EPHA4: variants seen among roughly 807,000 people sequenced by gnomAD.
EPHA4 encodes ephrin type-A receptor 4.
In EPHA4, 19 loss-of-function variants were observed where a neutral mutation model predicts 108.3. That is an observed-to-expected ratio of 0.18 (90% CI 0.12 to 0.26). The LOEUF (loss-of-function observed/expected upper bound fraction) is 0.26. EPHA4 is among the 10% of genes least tolerant of loss of function. EPHA4 has a pLI of 1.00. For synonymous variants in EPHA4, 449 were observed against 455.5 expected, an observed-to-expected ratio of 0.99 and a Z score of 0.18; for missense variants, 917 against 1,254.0, an observed-to-expected ratio of 0.73 and a Z score of 4.06.
At chr2:221,454,346 G>A (rs992618779) in intron 8 of EPHA4, among the ~76,000 whole-genome samples, 1 of 152,118 alleles carries the variant, frequency 6.6e-6, no homozygotes. Context: ...TATGACATTG[G>A]TGAGATCATC....
Position 221,571,749 on chromosome 2 carries a change from A to G in EPHA4, c.91+409T>C, listed in dbSNP as rs942596427. Among the ~76,000 whole-genome samples the G allele has an allele frequency of 6.6e-6, 1 of 152,038 alleles. No individual in the cohort carries two copies. The highest frequency in any genetic ancestry group is 1.5e-5 in the Non-Finnish European group (1 of 68,004). Reference sequence around the variant, plus strand: ...CGAAAGGCTTTCGCTAGAATCCGGGAGCACCAAGCCTTCACTGTGCTCCAG... The same window carrying G: ...CGAAAGGCTTTCGCTAGAATCCGGGGGCACCAAGCCTTCACTGTGCTCCAG... On this transcript the variant is annotated intron_variant, in intron 1 of 17. Transcript: ENST00000281821. The surrounding 1 kb of genome is among the most constrained non-coding windows in gnomAD (Gnocchi z 6.3).
At chr2:221,467,767 T>C (rs2106127015) in intron 5 of EPHA4, among the ~76,000 whole-genome samples, 1 of 152,308 alleles carries the variant, frequency 6.6e-6, no homozygotes, top group South Asian at 2.1e-4. Context: ...CTGTGTTTCG[T>C]CTGGGAGCTG....
upstream of EPHA4, chr2:221,573,739 G>T (rs979272599): frequency 1.3e-5 from 2 of 152,216 alleles, no homozygotes; most frequent in African/African-American, 2.4e-5. This position sits in a 1 kb window ranked among gnomAD's most constrained non-coding sequence, Gnocchi z 4.5. Context: ...GAGGAAGGGC[G>T]AGCGGACAAA....
At chr2:221,512,191 A>C (rs2106166393) in intron 3 of EPHA4, among the ~76,000 whole-genome samples, 1 of 152,352 alleles carries the variant, frequency 6.6e-6, no homozygotes, top group South Asian at 2.1e-4. Flanking sequence ...AATATGCTGA[A>C]GTTTATATTA....
chr2:221,540,802 G>A (rs568463410), intron 3 of EPHA4, among the ~76,000 whole-genome samples: 61 of 152,256 alleles, frequency 4.0e-4, no homozygotes, highest in African/African-American at 1.1e-3. Flanking sequence ...CGGGAGAGCT[G>A]TACAGGCTTG....
intron 5 of EPHA4, among the ~76,000 whole-genome samples, chr2:221,459,857 A>G (rs1691085562): frequency 6.6e-6 from 1 of 152,200 alleles, no homozygotes; most frequent in Non-Finnish European, 1.5e-5. Flanking sequence ...GAAAAATCAT[A>G]AAATTATAAA....
Position 221,439,238 on chromosome 2 carries a change from G to T in EPHA4, c.2075-2116C>A, listed in dbSNP as rs571905182. Reference sequence around the variant, plus strand: ...TAAGTCTTTTCTCTACGCTGGCAGGGGTGTGTCTGCACATTCTCTATCAAT... The same window carrying T: ...TAAGTCTTTTCTCTACGCTGGCAGGTGTGTGTCTGCACATTCTCTATCAAT... On this transcript the variant is annotated intron_variant, in intron 11 of 17. Coordinates refer to ENST00000281821, the MANE Select transcript of EPHA4 (RefSeq NM_004438.5). 2.0e-5 allele frequency among the ~76,000 whole-genome samples: 3 copies of T among 151,882 alleles called. No homozygotes were observed. The East Asian group carries it at 5.8e-4, about 30-fold the overall frequency.
chr2:221,442,689 T>C lies in EPHA4; in HGVS notation c.2074+140A>G. On this transcript the variant is annotated intron_variant, in intron 11 of 17. Transcript: ENST00000281821. ...GACCCATTTAGAGCTGACTACAAGA[T>C]TAATGACTTGTCCTGCACTGATTTC... is the stretch of plus-strand genomic sequence containing the variant. The C allele has an allele frequency of 9.8e-6, 8 of 819,158 alleles. No homozygotes were observed. The South Asian group carries it at 1.1e-4, about 11-fold the overall frequency. 50.7% of individuals were successfully genotyped at this position (819,158 alleles called of 1,614,324 possible). A position where few individuals can be genotyped will look rare whatever the true frequency, so the allele number is the denominator to read the frequency against.
intron 15 of EPHA4, 69 bp downstream of exon 15, chr2:221,429,889 T>G: frequency 5.5e-5 from 85 of 1,549,994 alleles, no homozygotes; most frequent in Non-Finnish European, 6.9e-5. Flanking sequence ...GGAATTTAAG[T>G]GAGTCACCAC....
At chr2:221,458,607 T>C (rs1395805398) in intron 5 of EPHA4, among the ~76,000 whole-genome samples, 2 of 152,174 alleles carry the variant, frequency 1.3e-5, no homozygotes, top group African/African-American at 4.8e-5. Context: ...ATGCGTGGCA[T>C]TTTGCAGCTA....
At chr2:221,565,546 T>C (rs542588037) in intron 2 of EPHA4, among the ~76,000 whole-genome samples, 1 of 152,330 alleles carries the variant, frequency 6.6e-6, no homozygotes, top group East Asian at 1.9e-4. Context: ...TAAAGCTCCA[T>C]GCAGTCCAGT....
At chr2:221,557,513 A>G (rs1694340299) in intron 3 of EPHA4, among the ~76,000 whole-genome samples, 2 of 152,206 alleles carry the variant, frequency 1.3e-5, no homozygotes, top group Admixed American at 1.3e-4. Flanking sequence ...ATTGCCACCA[A>G]TTTGCAAACG....
intron 3 of EPHA4, among the ~76,000 whole-genome samples, chr2:221,542,942 A>G (rs1317746641): frequency 6.6e-6 from 1 of 152,218 alleles, no homozygotes; most frequent in Non-Finnish European, 1.5e-5. Flanking sequence ...GCTAATGAGT[A>G]AAACTACCTC....
At chr2:221,469,714 A>G (rs949096206) in intron 5 of EPHA4, among the ~76,000 whole-genome samples, 1 of 152,168 alleles carries the variant, frequency 6.6e-6, no homozygotes, top group Non-Finnish European at 1.5e-5. Flanking sequence ...GACTGAGACC[A>G]ATTCCATTAA....
intron 8 of EPHA4, among the ~76,000 whole-genome samples, chr2:221,447,200 C>T (rs1215222177): frequency 2.0e-4 from 31 of 152,122 alleles, no homozygotes; most frequent in Admixed American, 2.0e-3. Context: ...AAAATGTATA[C>T]ATTTATGTTT....
intron 5 of EPHA4, among the ~76,000 whole-genome samples, chr2:221,475,878 AC>A (rs1691640229): frequency 6.6e-6 from 1 of 152,148 alleles, no homozygotes; most frequent in Admixed American, 6.5e-5. Context: ...TAGCTTGCTG[AC>A]CCCTGCTTTA....
At chr2:221,500,012 C>G (rs1692443165) in intron 4 of EPHA4, among the ~76,000 whole-genome samples, 1 of 151,970 alleles carries the variant, frequency 6.6e-6, no homozygotes, top group East Asian at 1.9e-4. Flanking sequence ...CCACCTCAGC[C>G]TCCCAAAGTG....
At chr2:221,499,715 A>AATATATATATATAT (rs369326575) in intron 4 of EPHA4, among the ~76,000 whole-genome samples, 1 of 48,452 alleles carries the variant, frequency 2.1e-5, no homozygotes, top group Non-Finnish European at 3.4e-5. Context: ...AACTAAAACT[A>AATATATATATATAT]ATATATATAT....
chr2:221,553,883 C>A (rs556135803), intron 3 of EPHA4, among the ~76,000 whole-genome samples: 3 of 152,160 alleles, frequency 2.0e-5, no homozygotes, highest in African/African-American at 7.2e-5. Flanking sequence ...TTTAAAAATA[C>A]AAGCAAACAG....
Sources: allele counts gnomAD v4.1 joint callset (sites outside exome capture counted in the v4.1 genomes callset), GRCh38; gene constraint gnomAD v4.1.1; non-coding constraint Gnocchi (gnomAD v3.1); transcripts MANE v1.5; gene names NCBI Gene and HGNC (gene_info 2026-07-23, HGNC 2026-07-21).